C12orf42: variants seen among roughly 807,000 people sequenced by gnomAD.
C12orf42 encodes uncharacterized protein C12orf42.
A neutral mutation model predicts 21.6 loss-of-function variants in C12orf42; 25 were observed. The ratio of observed to expected loss-of-function variants is 1.16; its 90% CI spans 0.84 to 1.62. The LOEUF is 1.62. Among genes scored for constraint, C12orf42 ranks in the 40% most tolerant of loss-of-function variants. C12orf42 has a pLI of 0.00. For synonymous variants in C12orf42, 174 were observed against 175.0 expected (o/e 0.99, Z 0.05); for missense variants, 483 against 459.3 (o/e 1.05, Z -0.47).
At chr12:103,403,219 C>T (rs2048158169) in intron 2 of C12orf42, among the ~76,000 whole-genome samples, 1 of 151,830 alleles carries the variant, frequency 6.6e-6, no homozygotes, top group Non-Finnish European at 1.5e-5. Flanking sequence ...ACTAAAAATA[C>T]AAAAAAATTA....
At chr12:103,093,573 G>A in the C12orf42 span, among the ~76,000 whole-genome samples, 12 of 152,228 alleles carry the variant, frequency 7.9e-5, no homozygotes, top group African/African-American at 2.9e-4. Context: ...GGAACAAAGG[G>A]GATGTGAATA....
At chr12:103,513,659 A>G in the C12orf42 span, among the ~76,000 whole-genome samples, 4 of 152,342 alleles carry the variant, frequency 2.6e-5, no homozygotes, top group Non-Finnish European at 4.4e-5. Flanking sequence ...CTAACTGGGG[A>G]AAAAAAGTTA....
intron 4 of C12orf42, among the ~76,000 whole-genome samples, chr12:103,352,978 T>A (rs1247268749): frequency 6.6e-6 from 1 of 152,154 alleles, no homozygotes; most frequent in Non-Finnish European, 1.5e-5. Context: ...GTAAGCAGGC[T>A]AAACAAAGTT....
At chr12:103,321,195 G>T (rs2040061347) in intron 4 of C12orf42, among the ~76,000 whole-genome samples, 3 of 151,354 alleles carry the variant, frequency 2.0e-5, no homozygotes, top group African/African-American at 4.9e-5. Context: ...CCATCACAAA[G>T]TGGGCGAAGG....
chr12:103,534,498 G>A, the C12orf42 span, among the ~76,000 whole-genome samples: 5 of 152,062 alleles, frequency 3.3e-5, no homozygotes, highest in African/African-American at 1.2e-4. Flanking sequence ...TCCCAACCTT[G>A]TGTCACAAGT....
chr12:103,506,670 C>G, the C12orf42 span, among the ~76,000 whole-genome samples: 1 of 148,362 alleles, frequency 6.7e-6, no homozygotes, highest in Non-Finnish European at 1.5e-5. Flanking sequence ...TGCTTAACTT[C>G]GCATTTCTCA....
chr12:103,543,645 T>C, the C12orf42 span, among the ~76,000 whole-genome samples: 4 of 151,996 alleles, frequency 2.6e-5, no homozygotes, highest in African/African-American at 9.7e-5. Flanking sequence ...TTTAATCCAA[T>C]CACCCACTTC....
the C12orf42 span, among the ~76,000 whole-genome samples, chr12:103,123,178 G>T: frequency 6.6e-6 from 1 of 152,174 alleles, no homozygotes; most frequent in Non-Finnish European, 1.5e-5. Context: ...TGTGGGCTTA[G>T]CACCTGCCTT....
At chr12:103,266,650 C>G (rs1435567315), downstream of C12orf42, among the ~76,000 whole-genome samples, 2 of 152,072 alleles carry the variant, frequency 1.3e-5, no homozygotes, top group African/African-American at 4.8e-5. Context: ...TCAAACTAGG[C>G]AGATGGAGCC....
chr12:103,306,124 C>A lies in C12orf42; in HGVS notation c.481G>T (p.Ala161Ser). The A allele has an allele frequency of 1.2e-6, 2 of 1,613,950 alleles. No homozygotes were observed. The highest frequency in any genetic ancestry group is 2.2e-5 in the South Asian group (2 of 91,080). ...TGTTCCAAAAATGAACTGTTCCAAG[C>A]CTGCTTGGGTGCTCCTCTGGCTCTC... ...EERARGAPKQ[A>S]WNSSFLEQLV... Residue 161 changes from alanine to serine, a missense_variant, in exon 5 of 6, where the codon GCT (alanine) becomes TCT (serine). Ala to Ser is a moderately conservative substitution (Grantham distance 99). Transcript: ENST00000548883.
the C12orf42 span, among the ~76,000 whole-genome samples, chr12:103,102,479 T>G: frequency 6.6e-6 from 1 of 152,182 alleles, no homozygotes; most frequent in Non-Finnish European, 1.5e-5. Context: ...CTTACTAGGG[T>G]GTCCAAGGGA....
chr12:103,160,672 G>C, the C12orf42 span, among the ~76,000 whole-genome samples: 1 of 152,112 alleles, frequency 6.6e-6, no homozygotes, highest in South Asian at 2.1e-4. Context: ...ATCCCTTATT[G>C]AATCCCAGCC....
At chr12:103,341,620 C>T (rs2042182617) in intron 4 of C12orf42, among the ~76,000 whole-genome samples, 1 of 152,094 alleles carries the variant, frequency 6.6e-6, no homozygotes, top group Non-Finnish European at 1.5e-5. Flanking sequence ...AGATGATAGC[C>T]TTAAACCAAA....
intron 10 of C12orf42, among the ~76,000 whole-genome samples, chr12:103,242,845 T>C (rs755260472): frequency 2.0e-5 from 3 of 152,132 alleles, no homozygotes; most frequent in Non-Finnish European, 4.4e-5. Flanking sequence ...ATAAAATATA[T>C]TTCATATTAG....
upstream of C12orf42, among the ~76,000 whole-genome samples, chr12:103,498,522 T>G (rs1325985543): frequency 2.6e-5 from 4 of 152,212 alleles, no homozygotes; most frequent in Non-Finnish European, 5.9e-5. Context: ...ACAATATGGA[T>G]GAGCCTAGAG....
At chr12:103,545,254 A>G in the C12orf42 span, among the ~76,000 whole-genome samples, 1 of 152,252 alleles carries the variant, frequency 6.6e-6, no homozygotes, top group African/African-American at 2.4e-5. Flanking sequence ...AAGACTAGAT[A>G]CCAACTCTAG....
the C12orf42 span, among the ~76,000 whole-genome samples, chr12:103,184,677 TACACAAAACATAAGTACTATAGGC>T: frequency 6.6e-6 from 1 of 150,404 alleles, no homozygotes; most frequent in Non-Finnish European, 1.5e-5. Context: ...GGCAGATGAT[TACACAAAACATAAGTACTATAGGC>T]TGAATTGTCA....
At chr12:103,373,909 TTCC>T (rs2045474091) in intron 3 of C12orf42, among the ~76,000 whole-genome samples, 1 of 152,216 alleles carries the variant, frequency 6.6e-6, no homozygotes. Flanking sequence ...AAACTATTAT[TTCC>T]TCTACATGGA....
chr12:103,498,883 G>A (rs540867925), upstream of C12orf42, among the ~76,000 whole-genome samples: 79 of 124,250 alleles, frequency 6.4e-4, 1 homozygote, highest in African/African-American at 2.1e-3. Context: ...GGGTGGGGTT[G>A]GGGGAGGGAG....
Sources: allele counts gnomAD v4.1 joint callset (sites outside exome capture counted in the v4.1 genomes callset), GRCh38; gene constraint gnomAD v4.1.1; transcripts MANE v1.5; gene names NCBI Gene and HGNC (gene_info 2026-07-23, HGNC 2026-07-21).